The following DDX4 variants were observed in gnomAD, a reference collection of about 807,000 sequenced individuals.
The protein encoded by DDX4 is DEAD-box helicase 4.
Under a neutral mutation model 100.0 loss-of-function variants are expected in DDX4, and 25 were observed. The observed-to-expected ratio is 0.25, with a 90% confidence interval of 0.18 to 0.35. DDX4 has a LOEUF of 0.35. DDX4 is among the 10% of genes least tolerant of loss of function. The pLI is 1.00. For missense variants in DDX4, 635 were observed against 882.4 expected, an observed-to-expected ratio of 0.72 and a Z score of 3.55; for synonymous variants, 259 against 275.7, an observed-to-expected ratio of 0.94 and a Z score of 0.60.
At chr5:55,790,907 A>T (rs1742524609) in intron 16 of DDX4, among the ~76,000 whole-genome samples, 1 of 152,264 alleles carries the variant, frequency 6.6e-6, no homozygotes, top group South Asian at 2.1e-4. Context: ...TTGGGAAAAC[A>T]AACTCAATGA....
At chr5:55,761,720 G>A (rs1259585613) in intron 4 of DDX4, among the ~76,000 whole-genome samples, 1 of 151,872 alleles carries the variant, frequency 6.6e-6, no homozygotes, top group Non-Finnish European at 1.5e-5. Flanking sequence ...TGATTCTCCT[G>A]CCTCAGCCTT....
chr5:55,812,356 T>C (rs1744168352), intron 18 of DDX4, among the ~76,000 whole-genome samples: 1 of 152,156 alleles, frequency 6.6e-6, no homozygotes, highest in South Asian at 2.1e-4. Context: ...GGTTAGGAGA[T>C]TGAGACCATC....
chr5:55,806,647 C>T (rs980394026), intron 18 of DDX4, among the ~76,000 whole-genome samples: 24 of 152,206 alleles, frequency 1.6e-4, no homozygotes, highest in Non-Finnish European at 2.8e-4. Context: ...GAGTGAGTTT[C>T]TTAATCCTGA....
intron 6 of DDX4, chr5:55,766,961 C>T: frequency 6.6e-7 from 1 of 1,526,310 alleles, no homozygotes; most frequent in Non-Finnish European, 8.8e-7. Flanking sequence ...TTAACCAACT[C>T]TCCAGGTAGT....
In DDX4 at chr5:55,808,318, G is replaced by A. The variant is rs1255624341; in HGVS notation, c.1616-5355G>A. 4.6e-5 allele frequency among the ~76,000 whole-genome samples: 7 copies of A among 152,084 alleles called. No homozygotes were observed. The South Asian group carries it at 6.2e-4, about 13-fold the overall frequency. ...ATCTGATGCCTTCTTCTCTCAACTC[G>A]TCAAAGTCATTCTCCGTCCAGCTTT... is the stretch of plus-strand genomic sequence containing the variant. On this transcript the variant is annotated intron_variant, in intron 18 of 21. Coordinates refer to ENST00000505374, the MANE Select transcript of DDX4 (RefSeq NM_024415.3).
intron 3 of DDX4, among the ~76,000 whole-genome samples, chr5:55,752,484 T>A (rs1759629176): frequency 6.7e-6 from 1 of 148,200 alleles, no homozygotes. Flanking sequence ...ATTTCCAATT[T>A]CATCCATGTC....
intron 7 of DDX4, among the ~76,000 whole-genome samples, chr5:55,779,644 G>T (rs1741789589): frequency 1.3e-5 from 2 of 152,122 alleles, no homozygotes. Context: ...ATTCTTTTGT[G>T]CATTGTGGAA....
chr5:55,763,749 C>T (rs1399433873), intron 5 of DDX4, among the ~76,000 whole-genome samples: 1 of 152,042 alleles, frequency 6.6e-6, no homozygotes, highest in African/African-American at 2.4e-5. Context: ...CTCTGTTTTG[C>T]CCATGTGCAT....
In DDX4 at chr5:55,760,220, C is replaced by T; in HGVS notation, c.148C>T (p.Arg50Ter). 2 of 1,566,984 alleles carry T rather than the reference C, an allele frequency of 1.3e-6. No individual in the cohort carries two copies. The highest frequency in any genetic ancestry group is 1.7e-6 in the Non-Finnish European group (2 of 1,162,802). The change falls in exon 4 of 22, where the codon CGA becomes TGA. Residue 50 changes from arginine to a stop codon, truncating the protein, a stop_gained. Coordinates refer to ENST00000505374, the MANE Select transcript of DDX4 (RefSeq NM_024415.3). LOFTEE classifies it high-confidence loss of function. ...SSSEMDDGPS[R>*]RDHFMKSGFA... is the part of the protein sequence containing the mutation. The stretch of plus-strand genomic sequence containing the variant: ...TTTAGAAATGGATGATGGACCTTCT[C>T]GAAGAGATCATTTCATGAAAAGTGG...
chr5:55,792,870 A>G (rs1234136062), intron 17 of DDX4, 63 bp downstream of exon 17: 3 of 978,546 alleles, frequency 3.1e-6, no homozygotes, highest in Non-Finnish European at 4.0e-6. Context: ...TCAAAGTGGA[A>G]GCACTGTGAA....
chr5:55,805,330 A>G (rs1200006306), intron 18 of DDX4, among the ~76,000 whole-genome samples: 1 of 151,536 alleles, frequency 6.6e-6, no homozygotes, highest in Non-Finnish European at 1.5e-5. Flanking sequence ...TCTCCTGCCT[A>G]ATTGCCCTGG....
intron 3 of DDX4, among the ~76,000 whole-genome samples, chr5:55,747,196 C>A (rs911455525): frequency 2.0e-5 from 3 of 152,184 alleles, no homozygotes; most frequent in African/African-American, 7.2e-5. Flanking sequence ...TCCTGACCAA[C>A]ATGGTGAAAC....
At chr5:55,770,205 G>GT (rs35086305) in intron 7 of DDX4, among the ~76,000 whole-genome samples, 15 of 151,278 alleles carry the variant, frequency 9.9e-5, no homozygotes, top group South Asian at 2.1e-4. Flanking sequence ...GTTGGTTGTG[G>GT]TTTTTTTTTC....
chr5:55,746,136 C>G, intron 2 of DDX4, 28 bp from the exon 3 acceptor site: 1 of 1,564,092 alleles, frequency 6.4e-7, no homozygotes, highest in Non-Finnish European at 8.7e-7. Flanking sequence ...AAGTAGGAAA[C>G]TAGTTTTTTC....
At chr5:55,814,059 A>AC (rs1181907703) in intron 19 of DDX4, among the ~76,000 whole-genome samples, 13 of 152,184 alleles carry the variant, frequency 8.5e-5, no homozygotes, top group Non-Finnish European at 1.8e-4. Flanking sequence ...AAGAGATCTC[A>AC]CTTAAGGATC....
chr5:55,786,855 A>T (rs560211721), intron 14 of DDX4, among the ~76,000 whole-genome samples, 185 bp downstream of exon 14: 110 of 152,330 alleles, frequency 7.2e-4, no homozygotes, highest in Middle Eastern at 3.4e-3. Flanking sequence ...ATTCTGAACT[A>T]TTCCTGGGGT....
intron 3 of DDX4, 144 bp downstream of exon 3, chr5:55,746,365 G>GA (rs35230239): frequency 1.2e-5 from 7 of 580,646 alleles, no homozygotes; most frequent in Non-Finnish European, 1.8e-5. Context: ...GGATATTGTG[G>GA]AATGGGGGTA....
At chr5:55,772,256 T>C in intron 7 of DDX4, among the ~76,000 whole-genome samples, 1 of 152,194 alleles carries the variant, frequency 6.6e-6, no homozygotes, top group Non-Finnish European at 1.5e-5. Flanking sequence ...TATTTTTGTA[T>C]ATAATGTGGG....
intron 3 of DDX4, among the ~76,000 whole-genome samples, chr5:55,754,217 G>C (rs1334695817): frequency 6.6e-6 from 1 of 150,804 alleles, no homozygotes; most frequent in Non-Finnish European, 1.5e-5. Flanking sequence ...ATGTTGAATA[G>C]GAGTGGTGAG....
Sources: allele counts gnomAD v4.1 joint callset (sites outside exome capture counted in the v4.1 genomes callset), GRCh38; gene constraint gnomAD v4.1.1; transcripts MANE v1.5; gene names NCBI Gene and HGNC (gene_info 2026-07-23, HGNC 2026-07-21).